The following RBFOX1 variants were observed in gnomAD, a reference collection of about 807,000 sequenced individuals.
RBFOX1 encodes RNA binding fox-1 homolog 1, also known as RNA binding protein fox-1 homolog 1.
RBFOX1 carries 8 observed loss-of-function variants against 57.7 expected under a neutral mutation model. The ratio of observed to expected loss-of-function variants is 0.14; its 90% CI spans 0.08 to 0.25. The LOEUF is 0.25. Ranked by LOEUF, RBFOX1 falls within the 10% of genes least tolerant of loss-of-function variation. The pLI, the probability that RBFOX1 is intolerant of heterozygous loss-of-function variation, is 1.00. For missense variants in RBFOX1, 611 were observed against 548.5 expected (o/e 1.11, Z -1.14); for synonymous variants, 326 against 222.4 (o/e 1.47, Z -4.15).
At chr16:6,495,233 C>T (rs193000927) in intron 2 of RBFOX1, among the ~76,000 whole-genome samples, 14 of 152,244 alleles carry the variant, frequency 9.2e-5, no homozygotes, top group African/African-American at 2.9e-4. Flanking sequence ...ATTCTTTTGC[C>T]GCAGCCTCCT....
At chr16:7,275,457 G>A (rs1474575736) in intron 4 of RBFOX1, among the ~76,000 whole-genome samples, 2 of 152,146 alleles carry the variant, frequency 1.3e-5, no homozygotes, top group South Asian at 2.1e-4. Context: ...TAAGTAAGTA[G>A]GGTGTGGATT....
intron 3 of RBFOX1, among the ~76,000 whole-genome samples, chr16:6,891,901 C>G (rs910207669): frequency 1.3e-5 from 2 of 152,146 alleles, no homozygotes; most frequent in Admixed American, 6.5e-5. Flanking sequence ...CCTGCTCATT[C>G]TTTTCTTCCC....
At chr16:6,732,251 G>A (rs571789124) in intron 3 of RBFOX1, among the ~76,000 whole-genome samples, 1 of 152,328 alleles carries the variant, frequency 6.6e-6, no homozygotes, top group South Asian at 2.1e-4. Flanking sequence ...GGATTACAGT[G>A]GTGTTAGATG....
chr16:7,456,153 C>G (rs2058470201), intron 4 of RBFOX1, among the ~76,000 whole-genome samples: 1 of 152,130 alleles, frequency 6.6e-6, no homozygotes, highest in African/African-American at 2.4e-5. Context: ...GTGGCCAATC[C>G]TGATTAAGGG....
intron 4 of RBFOX1, among the ~76,000 whole-genome samples, chr16:7,090,232 A>G (rs1266302095): frequency 6.6e-6 from 1 of 152,234 alleles, no homozygotes; most frequent in East Asian, 1.9e-4. Flanking sequence ...GAGAGACAAT[A>G]AAATAGAATC....
At chr16:5,366,031 G>A (rs2065704852) in intron 1 of RBFOX1, 1 of 490,126 alleles carries the variant, frequency 2.0e-6, no homozygotes, top group Admixed American at 2.1e-5. Flanking sequence ...TGGCAGCTTT[G>A]AAAATGTCTG....
chr16:7,333,775 T>C (rs970755393), intron 4 of RBFOX1, among the ~76,000 whole-genome samples: 9 of 152,094 alleles, frequency 5.9e-5, no homozygotes, highest in Non-Finnish European at 1.3e-4. Context: ...ACCTTTTTTT[T>C]TCCCCCTCAT....
chr16:5,407,272 C>T (rs191640369), intron 1 of RBFOX1, among the ~76,000 whole-genome samples: 1 of 152,250 alleles, frequency 6.6e-6, no homozygotes, highest in African/African-American at 2.4e-5. Flanking sequence ...CCAGGTCTCT[C>T]CTCAGCACCT....
At chr16:6,634,935 A>G (rs2098419971) in intron 2 of RBFOX1, among the ~76,000 whole-genome samples, 1 of 140,690 alleles carries the variant, frequency 7.1e-6, no homozygotes, top group Non-Finnish European at 1.5e-5. Context: ...AATATAATTT[A>G]AATTAGTAAT....
At chr16:5,997,875 A>C (rs2060518309) in intron 4 of RBFOX1, among the ~76,000 whole-genome samples, 1 of 152,160 alleles carries the variant, frequency 6.6e-6, no homozygotes, top group Non-Finnish European at 1.5e-5. Context: ...GCTGATAGTC[A>C]ATCATTTGCT....
intron 1 of RBFOX1, among the ~76,000 whole-genome samples, chr16:6,230,761 C>G (rs527889638): frequency 6.6e-6 from 1 of 152,276 alleles, no homozygotes; most frequent in African/African-American, 2.4e-5. Flanking sequence ...CTGTGACCTT[C>G]TGGGAGATGA....
At chr16:7,024,853 G>T (rs531835272) in intron 3 of RBFOX1, among the ~76,000 whole-genome samples, 1 of 152,294 alleles carries the variant, frequency 6.6e-6, no homozygotes. Context: ...TGGGTGTCAC[G>T]TGGCTCACAG....
At chr16:7,014,567 C>T (rs1445543910) in intron 3 of RBFOX1, among the ~76,000 whole-genome samples, 1 of 151,888 alleles carries the variant, frequency 6.6e-6, no homozygotes, top group African/African-American at 2.4e-5. Flanking sequence ...ACACTGCACC[C>T]CGTCTTAAAC....
At chr16:6,610,146 G>A (rs1415364737) in intron 2 of RBFOX1, among the ~76,000 whole-genome samples, 2 of 152,172 alleles carry the variant, frequency 1.3e-5, no homozygotes, top group Non-Finnish European at 2.9e-5. Flanking sequence ...ACCTCACGTT[G>A]ATTCTCAAAG....
intron 3 of RBFOX1, among the ~76,000 whole-genome samples, chr16:6,793,028 GAAA>G (rs71145295): frequency 1.5e-5 from 2 of 136,484 alleles, no homozygotes; most frequent in Admixed American, 7.5e-5. Context: ...GACTCCATCT[GAAA>G]AAAAAAAAAA....
chr16:5,840,868 T>C (rs1229706704), intron 3 of RBFOX1, among the ~76,000 whole-genome samples: 1 of 152,112 alleles, frequency 6.6e-6, no homozygotes, highest in Non-Finnish European at 1.5e-5. Flanking sequence ...GGGTGAGAGC[T>C]TGGACTGCCA....
chr16:6,256,273 A>G lies in RBFOX1; in HGVS notation c.-126-60722A>G, dbSNP rs370301916. 2.8e-3 allele frequency among the ~76,000 whole-genome samples: 325 copies of G among 116,596 alleles called. 4 individuals are homozygous for G. The highest frequency in any genetic ancestry group is 0.011 in the African/African-American group (260 of 23,570). The allele number at this position is 116,596 out of a possible 152,430, so 76.5% of individuals were successfully genotyped here. A position where few individuals can be genotyped will look rare whatever the true frequency, so the allele number is the denominator to read the frequency against. Reference sequence around the variant, plus strand: ...TATATATATGTGTATATATATATGTATATATATATGTGTGTATATATATAT... The same window carrying G: ...TATATATATGTGTATATATATATGTGTATATATATGTGTGTATATATATAT... On this transcript the variant is annotated intron_variant, in intron 1 of 15. Coordinates refer to ENST00000550418, the MANE Select transcript of RBFOX1 (RefSeq NM_018723.4).
intron 4 of RBFOX1, among the ~76,000 whole-genome samples, chr16:7,325,743 G>C (rs1015685049): frequency 6.6e-6 from 1 of 152,130 alleles, no homozygotes; most frequent in African/African-American, 2.4e-5. Context: ...AATTTGATGC[G>C]GTTGTGACTT....
intron 3 of RBFOX1, among the ~76,000 whole-genome samples, chr16:6,740,291 C>A (rs931648164): frequency 6.6e-6 from 1 of 152,068 alleles, no homozygotes; most frequent in Non-Finnish European, 1.5e-5. Context: ...TGCAAAAAAC[C>A]TACATCTAAT....
Sources: allele counts gnomAD v4.1 joint callset (sites outside exome capture counted in the v4.1 genomes callset), GRCh38; gene constraint gnomAD v4.1.1; transcripts MANE v1.5; gene names NCBI Gene and HGNC (gene_info 2026-07-23, HGNC 2026-07-21).